AMOTL1: variants seen among roughly 807,000 people sequenced by gnomAD.
The protein encoded by AMOTL1 is angiomotin like 1, also known as angiomotin-like protein 1.
AMOTL1 carries 45 observed loss-of-function variants against 102.9 expected under a neutral mutation model. The observed-to-expected ratio is 0.44, with a 90% CI of 0.34 to 0.56. The LOEUF (loss-of-function observed/expected upper bound fraction) is 0.56, where lower values mean the gene tolerates loss of function less well. Ranked by LOEUF, AMOTL1 falls within the 20% of genes least tolerant of loss-of-function variation. The probability of loss-of-function intolerance (pLI) is 0.01; values close to 1 mark genes in which losing one functional copy is unlikely to be tolerated. For synonymous variants in AMOTL1, 481 were observed against 484.7 expected, an observed-to-expected ratio of 0.99 and a Z score of 0.10; for missense variants, 1,114 against 1,225.6, an observed-to-expected ratio of 0.91 and a Z score of 1.36.
At position 94,821,791 on chromosome 11, in the gene AMOTL1, T is replaced by C; in HGVS notation, c.1383T>C (p.Gly461=). The C allele has an allele frequency of 1.2e-6, 2 of 1,613,964 alleles. No homozygotes were observed. Among genetic ancestry groups the C allele is most frequent in the Non-Finnish European group, 1.7e-6 (2 of 1,179,878 alleles). Residue 461 remains glycine, a synonymous_variant, in exon 4 of 13, where the codon GGT becomes GGC. Coordinates refer to ENST00000433060, the MANE Select transcript of AMOTL1 (RefSeq NM_130847.3). The part of the protein sequence containing the change: ...ENRVLHQELQ[G]YYDNADKLHK... ...GGGTGCTTCACCAGGAACTTCAGGG[T>C]TACTACGACAATGCCGACAAGCTCC...
chr11:94,846,606 T>C (rs1047731846), intron 6 of AMOTL1, among the ~76,000 whole-genome samples: 2 of 152,344 alleles, frequency 1.3e-5, no homozygotes, highest in South Asian at 4.1e-4. Context: ...ATGTAATTGC[T>C]ATGTTTTCAG....
intron 9 of AMOTL1, among the ~76,000 whole-genome samples, chr11:94,860,095 C>A (rs1231916610): frequency 6.6e-6 from 1 of 152,200 alleles, no homozygotes. Flanking sequence ...CAGTGGAATA[C>A]TGTGCAATCA....
intron 2 of AMOTL1, among the ~76,000 whole-genome samples, chr11:94,797,598 C>A (rs995144189): frequency 6.6e-6 from 1 of 152,130 alleles, no homozygotes; most frequent in Non-Finnish European, 1.5e-5. Context: ...AAGGCTCAGG[C>A]CTGCAGGGCT....
At chr11:94,759,084 T>C (rs1457062578) in intron 3 of AMOTL1, among the ~76,000 whole-genome samples, 1 of 152,266 alleles carries the variant, frequency 6.6e-6, no homozygotes, top group Non-Finnish European at 1.5e-5. Flanking sequence ...CTTAAAATGT[T>C]TTCCTTAATG....
Position 94,728,429 on chromosome 11 carries a change from C to G in AMOTL1, c.-50-492C>G, listed in dbSNP as rs181865209. 2.6e-5 allele frequency among the ~76,000 whole-genome samples: 4 copies of G among 152,172 alleles called. No individual in the cohort carries two copies. In the East Asian group the frequency reaches 7.7e-4, roughly 29 times the overall value. On this transcript the variant is annotated intron_variant, in intron 1 of 4. Coordinates refer to the AMOTL1 transcript ENST00000299004. ...TTTTAAAATAATATTTATTGCATACCTTTTTGAGATTACAAAAGCAATACA... is the reference window on the plus strand; with the variant it reads ...TTTTAAAATAATATTTATTGCATACGTTTTTGAGATTACAAAAGCAATACA...
At chr11:94,751,582 A>G (rs966891284) in intron 3 of AMOTL1, among the ~76,000 whole-genome samples, 4 of 152,084 alleles carry the variant, frequency 2.6e-5, no homozygotes, top group African/African-American at 7.2e-5. Context: ...GCAAAGTGAT[A>G]TTACACATTG....
intron 3 of AMOTL1, among the ~76,000 whole-genome samples, chr11:94,751,010 A>G (rs185297272): frequency 6.6e-5 from 10 of 152,266 alleles, no homozygotes; most frequent in African/African-American, 2.4e-4. Flanking sequence ...GGCTAGAGGC[A>G]AAGATTAGAT....
chr11:94,800,211 A>T lies in AMOTL1; in HGVS notation c.1021A>T (p.Met341Leu). ...GLFYGDQHPG[M>L]LHEMVKPYPA... ...TTTTTATGGTGACCAGCACCCCGGGATGCTCCACGAGATGGTCAAGCCCTA... is the reference window on the plus strand; with the variant it reads ...TTTTTATGGTGACCAGCACCCCGGGTTGCTCCACGAGATGGTCAAGCCCTA... Residue 341 changes from methionine to leucine, a missense_variant, in exon 3 of 13, where the codon ATG (methionine) becomes TTG (leucine). By Grantham distance (15) the Met-to-Leu change is conservative. Transcript: ENST00000433060. 1 of 1,613,944 alleles carries T rather than the reference A, an allele frequency of 6.2e-7. No individual in the cohort carries two copies. Among genetic ancestry groups the T allele is most frequent in the Non-Finnish European group, 8.5e-7 (1 of 1,179,878 alleles).
chr11:94,812,207 A>G (rs888194885), intron 3 of AMOTL1, among the ~76,000 whole-genome samples: 2 of 152,174 alleles, frequency 1.3e-5, no homozygotes, highest in African/African-American at 2.4e-5. Flanking sequence ...CAGGTTTCCA[A>G]TTTGTGAACC....
At position 94,709,960 on chromosome 11, in the gene AMOTL1, T is replaced by G. The variant is rs546152237; in HGVS notation, c.-51+3363T>G. On this transcript the variant is annotated intron_variant, in intron 1 of 4. Transcript: ENST00000299004. The stretch of plus-strand genomic sequence containing the variant: ...CCTTATACCACTAACTCAAATGTTT[T>G]AGTTAAAAAGACTCGAGAAAGAGAC... 2.6e-3 allele frequency among the ~76,000 whole-genome samples: 400 copies of G among 152,336 alleles called. 3 individuals carry two copies. Among genetic ancestry groups the G allele is most frequent in the Admixed American group, 4.2e-3 (65 of 15,306 alleles).
rs752853879 is a variant in AMOTL1 at position 94,799,624 on chromosome 11, C to G, written c.434C>G (p.Thr145Ser). ...TNNFSSTENL[T>S]QEDPQMVYQS... ...AACTTTTCTTCCACGGAAAACCTCACTCAAGAAGACCCACAAATGGTCTAC... is the reference window on the plus strand; with the variant it reads ...AACTTTTCTTCCACGGAAAACCTCAGTCAAGAAGACCCACAAATGGTCTAC... Residue 145 changes from threonine to serine, a missense_variant, in exon 3 of 13, where the codon ACT (threonine) becomes AGT (serine). Coordinates refer to ENST00000433060, the MANE Select transcript of AMOTL1 (RefSeq NM_130847.3). The surrounding 1 kb of genome is among the most constrained non-coding windows in gnomAD (Gnocchi z 4.5). 1 of 1,613,976 alleles carries G rather than the reference C, an allele frequency of 6.2e-7. No individual in the cohort carries two copies. Among genetic ancestry groups the G allele is most frequent in the Non-Finnish European group, 8.5e-7 (1 of 1,179,892 alleles).
At chr11:94,818,018 C>T (rs1160949236) in intron 3 of AMOTL1, among the ~76,000 whole-genome samples, 1 of 152,170 alleles carries the variant, frequency 6.6e-6, no homozygotes, top group Non-Finnish European at 1.5e-5. Context: ...TATCTCTCTA[C>T]CTGATTTCTC....
intron 6 of AMOTL1, among the ~76,000 whole-genome samples, chr11:94,832,572 T>C (rs1952095761): frequency 6.6e-6 from 1 of 152,228 alleles, no homozygotes; most frequent in African/African-American, 2.4e-5. Flanking sequence ...GGCTTTTGCC[T>C]GGGATTCCTT....
rs139670050 is a variant in AMOTL1, at chr11:94,781,586, C to T, written c.49+13026C>T. On this transcript the variant is annotated intron_variant, in intron 1 of 12. Transcript: ENST00000433060. ...GGTGCGGTGGCTCACGCCTGTAATC[C>T]CAGCACTTTGGGAGGCCGAGGTGGT... Among the ~76,000 whole-genome samples the T allele has an allele frequency of 7.2e-5, 11 of 152,202 alleles. No individual in the cohort carries two copies. In the East Asian group the frequency reaches 1.7e-3, roughly 24 times the overall value.
At chr11:94,833,617 A>G (rs973839134) in intron 6 of AMOTL1, among the ~76,000 whole-genome samples, 5 of 152,212 alleles carry the variant, frequency 3.3e-5, no homozygotes, top group African/African-American at 7.2e-5. Flanking sequence ...AATTATGAGT[A>G]TGATTTCATT....
intron 3 of AMOTL1, among the ~76,000 whole-genome samples, chr11:94,808,097 AAACAAG>A (rs936999216): frequency 0.39 from 17 of 44 alleles, no homozygotes; most frequent in South Asian, 0.5. Flanking sequence ...AGACAAAACA[AAACAAG>A]AACAAAACAA....
intron 1 of AMOTL1, among the ~76,000 whole-genome samples, chr11:94,785,149 A>C (rs1442879757): frequency 6.6e-6 from 1 of 152,194 alleles, no homozygotes; most frequent in Non-Finnish European, 1.5e-5. Context: ...TGCCTCATAC[A>C]TGGAGAGAAA....
At chr11:94,772,029 T>G (rs1446943638) in intron 1 of AMOTL1, among the ~76,000 whole-genome samples, 1 of 152,246 alleles carries the variant, frequency 6.6e-6, no homozygotes, top group Non-Finnish European at 1.5e-5. Flanking sequence ...TGCTGTTTAC[T>G]TTTAACTTTT....
chr11:94,865,178 T>C (rs1313533099), intron 10 of AMOTL1, among the ~76,000 whole-genome samples: 1 of 152,212 alleles, frequency 6.6e-6, no homozygotes, highest in Non-Finnish European at 1.5e-5. Context: ...TATGACATTA[T>C]GAGCTGAAAG....
Sources: gnomAD v4.1 joint callset for allele counts (sites outside exome capture counted in the v4.1 genomes callset) on GRCh38, gnomAD v4.1.1 for gene constraint, Gnocchi (gnomAD v3.1) non-coding constraint, MANE v1.5 for transcripts, NCBI Gene and HGNC (gene_info 2026-07-23, HGNC 2026-07-21) for gene names.